The following PRMT3 variants were observed in gnomAD, a reference collection of about 807,000 sequenced individuals.
PRMT3 encodes the protein protein arginine methyltransferase 3.
A neutral mutation model predicts 71.9 loss-of-function variants in PRMT3; 62 were observed. That is an observed-to-expected ratio of 0.86 (90% CI 0.70 to 1.07). The LOEUF is 1.07. Ranked by LOEUF, PRMT3 falls within the 50% of genes least tolerant of loss-of-function variation. The probability of loss-of-function intolerance (pLI) is 0.00; values close to 1 mark genes in which losing one functional copy is unlikely to be tolerated. For missense variants in PRMT3, 663 were observed against 643.0 expected, an observed-to-expected ratio of 1.03 and a Z score of -0.34; for synonymous variants, 213 against 220.4, an observed-to-expected ratio of 0.97 and a Z score of 0.30.
chr11:20,506,756 CTGTT>C (rs763474781), intron 15 of PRMT3, among the ~76,000 whole-genome samples: 60 of 152,276 alleles, frequency 3.9e-4, no homozygotes, highest in South Asian at 1.2e-3. Context: ...ATTCCTGACA[CTGTT>C]TGGTGTTATC....
chr11:20,458,010 CAAAT>C (rs1227677460), intron 11 of PRMT3, among the ~76,000 whole-genome samples: 2 of 152,026 alleles, frequency 1.3e-5, no homozygotes, highest in African/African-American at 2.4e-5. Context: ...GTCCAATTTC[CAAAT>C]AAATATTACT....
chr11:20,478,638 T>C lies in PRMT3; in HGVS notation c.1347+14092T>C, dbSNP rs772464375. The stretch of plus-strand genomic sequence containing the variant: ...CAAGTCTTTCAGTTACTGAGTTTTT[T>C]AAGGCTAATGCAATTGCTATTAAAA... On this transcript the variant is annotated intron_variant, in intron 13 of 15. Transcript: ENST00000331079. 2.6e-5 allele frequency among the ~76,000 whole-genome samples: 4 copies of C among 152,308 alleles called. No homozygotes were observed. In the Middle Eastern group the frequency reaches 0.01, roughly 389 times the overall value.
At chr11:20,447,486 T>C (rs1027430427) in intron 10 of PRMT3, among the ~76,000 whole-genome samples, 1 of 152,276 alleles carries the variant, frequency 6.6e-6, no homozygotes, top group Non-Finnish European at 1.5e-5. Flanking sequence ...AGAATGATTG[T>C]TTCTATGCGT....
intron 13 of PRMT3, 140 bp from the exon 14 acceptor site, chr11:20,493,779 T>C: frequency 1.6e-6 from 1 of 622,272 alleles, no homozygotes; most frequent in South Asian, 2.4e-5. Context: ...ACAACATCTT[T>C]TCCAGGAAAA....
At chr11:20,466,321 G>C (rs1850510851) in intron 13 of PRMT3, among the ~76,000 whole-genome samples, 1 of 152,108 alleles carries the variant, frequency 6.6e-6, no homozygotes, top group South Asian at 2.1e-4. Context: ...GCCTGCTACA[G>C]AGCTGCCTGT....
chr11:20,476,859 G>A (rs919196084), intron 13 of PRMT3, among the ~76,000 whole-genome samples: 2 of 151,878 alleles, frequency 1.3e-5, no homozygotes, highest in African/African-American at 4.8e-5. Flanking sequence ...CAAGTGATCT[G>A]CGATTTTGCT....
chr11:20,396,028 G>A, intron 6 of PRMT3, 66 bp downstream of exon 6: 4 of 1,376,364 alleles, frequency 2.9e-6, no homozygotes, highest in East Asian at 2.4e-5. Flanking sequence ...TAATGGCAAA[G>A]TAGAATATAG....
rs1479995697 is a variant in PRMT3 at position 20,387,931 on chromosome 11, C to T, written c.29-88C>T. On this transcript the variant is annotated intron_variant, in intron 1 of 15. Transcript: ENST00000331079. This position sits in a 1 kb window ranked among gnomAD's most constrained non-coding sequence, Gnocchi z 4.3. ...GAGTGAGGGCCGCGGGCGAACGGGG[C>T]GGAGGAGAGCCCATCGTCACCTGCT... 1.9e-6 allele frequency: 3 copies of T among 1,593,536 alleles called. No individual in the cohort carries two copies. The highest frequency in any genetic ancestry group is 2.6e-6 in the Non-Finnish European group (3 of 1,169,146).
chr11:20,447,104 A>G (rs1162048971), intron 10 of PRMT3, among the ~76,000 whole-genome samples: 2 of 152,184 alleles, frequency 1.3e-5, no homozygotes, highest in Non-Finnish European at 2.9e-5. Context: ...TAAGGCTATT[A>G]TAACAGTGAA....
intron 10 of PRMT3, among the ~76,000 whole-genome samples, chr11:20,451,845 A>G (rs1161454219): frequency 2.6e-5 from 4 of 152,118 alleles, no homozygotes; most frequent in Non-Finnish European, 5.9e-5. Flanking sequence ...GTCTATCCAA[A>G]CATTTTTTAA....
intron 13 of PRMT3, among the ~76,000 whole-genome samples, chr11:20,470,007 G>A (rs1037647710): frequency 6.6e-5 from 10 of 152,092 alleles, no homozygotes; most frequent in African/African-American, 2.2e-4. Flanking sequence ...GGATATATGT[G>A]AAGAAGTGTA....
intron 2 of PRMT3, among the ~76,000 whole-genome samples, chr11:20,388,831 G>A (rs1224956402): frequency 6.6e-6 from 1 of 152,204 alleles, no homozygotes; most frequent in East Asian, 1.9e-4. Context: ...TGTTAGTCTT[G>A]GGAAGCTTTG....
chr11:20,493,735 G>T (rs545396473), intron 13 of PRMT3, among the ~76,000 whole-genome samples, 184 bp from the exon 14 acceptor site: 1 of 152,184 alleles, frequency 6.6e-6, no homozygotes, highest in South Asian at 2.1e-4. Flanking sequence ...GTTTCTGTGA[G>T]GAAAAGCCAA....
intron 10 of PRMT3, among the ~76,000 whole-genome samples, chr11:20,445,970 G>GT (rs1850018323): frequency 6.6e-6 from 1 of 152,066 alleles, no homozygotes; most frequent in South Asian, 2.1e-4. Flanking sequence ...ATAGGAAAAG[G>GT]TTTTTTAAAT....
chr11:20,493,508 C>G (rs76480594), intron 13 of PRMT3, among the ~76,000 whole-genome samples: 1 of 152,200 alleles, frequency 6.6e-6, no homozygotes, highest in Non-Finnish European at 1.5e-5. Context: ...TTCCTGGCAT[C>G]TTTCATGCCG....
chr11:20,409,654 AACACACACACACAC>A (rs60686099), intron 9 of PRMT3, among the ~76,000 whole-genome samples: 3 of 144,330 alleles, frequency 2.1e-5, no homozygotes, highest in East Asian at 2.0e-4. Flanking sequence ...GGAATACACA[AACACACACACACAC>A]ACACACACAC....
chr11:20,440,610 C>G (rs926938127), intron 10 of PRMT3, among the ~76,000 whole-genome samples: 9 of 151,216 alleles, frequency 6.0e-5, no homozygotes, highest in Admixed American at 2.6e-4. Flanking sequence ...TTCTGGATGT[C>G]TTTTATGTAC....
At chr11:20,435,480 C>T (rs572752441) in intron 10 of PRMT3, among the ~76,000 whole-genome samples, 2 of 152,082 alleles carry the variant, frequency 1.3e-5, no homozygotes, top group African/African-American at 4.8e-5. Context: ...AGGATTACCG[C>T]GCTCAGACCA....
intron 9 of PRMT3, among the ~76,000 whole-genome samples, chr11:20,414,407 T>C (rs187378307): frequency 6.6e-6 from 1 of 152,246 alleles, no homozygotes; most frequent in East Asian, 1.9e-4. Context: ...TAAGGGCAAA[T>C]AGGTCTCAAA....
Sources: gnomAD v4.1 joint callset for allele counts (sites outside exome capture counted in the v4.1 genomes callset) on GRCh38, gnomAD v4.1.1 for gene constraint, Gnocchi (gnomAD v3.1) non-coding constraint, MANE v1.5 for transcripts, NCBI Gene and HGNC (gene_info 2026-07-23, HGNC 2026-07-21) for gene names.